The following MEP1B variants were observed in gnomAD, a reference collection of about 807,000 sequenced individuals.
The protein encoded by MEP1B is N-benzoyl-L-tyrosyl-P-amino-benzoic acid hydrolase subunit beta.
In MEP1B, 80 loss-of-function variants were observed where a neutral mutation model predicts 84.6. That is an observed-to-expected ratio of 0.95 (90% CI 0.79 to 1.14). The LOEUF is 1.14. Ranked by LOEUF, MEP1B falls within the 50% of genes most tolerant of loss-of-function variation. The probability of loss-of-function intolerance (pLI) is 0.00; values close to 1 mark genes in which losing one functional copy is unlikely to be tolerated. For missense variants in MEP1B, 766 were observed against 855.1 expected, an observed-to-expected ratio of 0.90 and a Z score of 1.30; for synonymous variants, 273 against 288.1, an observed-to-expected ratio of 0.95 and a Z score of 0.53.
chr18:32,203,287 C>G, intron 6 of MEP1B: 1 of 285,106 alleles, frequency 3.5e-6, no homozygotes, highest in East Asian at 6.4e-5. Context: ...AATTTACATA[C>G]TCTTTATCCC....
intron 5 of MEP1B, among the ~76,000 whole-genome samples, chr18:32,200,617 G>T (rs1487534700): frequency 6.6e-6 from 1 of 152,164 alleles, no homozygotes; most frequent in Non-Finnish European, 1.5e-5. Context: ...TTTCTGGAAG[G>T]CCCTATTACT....
In MEP1B at chr18:32,196,708, G is replaced by T. The variant is rs2040859325; in HGVS notation, c.250+1223G>T. The stretch of plus-strand genomic sequence containing the variant: ...ATGAGGTAGTGGGCGCCCTGCAGCA[G>T]GCTGAGGGCCAGGGACAGCTGCCTG... On this transcript the variant is annotated intron_variant, in intron 5 of 14. Transcript: ENST00000269202. The surrounding 1 kb of genome is among the most constrained non-coding windows in gnomAD (Gnocchi z 4.4). The T allele has an allele frequency of 1.6e-6, 1 of 638,378 alleles. No individual in the cohort carries two copies. 39.5% of individuals were successfully genotyped at this position (638,378 alleles called of 1,614,324 possible).
At chr18:32,218,004 G>C (rs746939256) in intron 14 of MEP1B, 39 bp downstream of exon 14, 1 of 1,590,950 alleles carries the variant, frequency 6.3e-7, no homozygotes, top group South Asian at 1.1e-5. Flanking sequence ...ATAACCTATT[G>C]GTGAAATCTT....
chr18:32,191,861 G>A, intron 2 of MEP1B, 21 bp downstream of exon 2: 4 of 1,498,146 alleles, frequency 2.7e-6, no homozygotes, highest in Non-Finnish European at 1.8e-6. Context: ...TTTGAGTTTT[G>A]TTCTAGGTTA....
chr18:32,202,866 T>A (rs1184056916), intron 5 of MEP1B, 27 bp from the exon 6 acceptor site: 2 of 1,446,454 alleles, frequency 1.4e-6, no homozygotes, highest in South Asian at 2.4e-5. Flanking sequence ...TTTAATAAGC[T>A]TATTTTTGTT....
chr18:32,195,646 G>A (rs1394021184), intron 5 of MEP1B, among the ~76,000 whole-genome samples, 161 bp downstream of exon 5: 2 of 151,818 alleles, frequency 1.3e-5, no homozygotes, highest in African/African-American at 4.8e-5. Context: ...TAAGCAAAAC[G>A]AACAATGAAA....
intron 9 of MEP1B, among the ~76,000 whole-genome samples, chr18:32,208,491 C>T (rs1332327488): frequency 6.6e-6 from 1 of 152,184 alleles, no homozygotes; most frequent in Admixed American, 6.5e-5. Context: ...CAGAGCTGGG[C>T]TCTGTGATGC....
At chr18:32,214,438 A>C (rs2041062432) in intron 11 of MEP1B, among the ~76,000 whole-genome samples, 1 of 152,182 alleles carries the variant, frequency 6.6e-6, no homozygotes, top group Non-Finnish European at 1.5e-5. Context: ...ACTTAATCTC[A>C]TAGGAAAACA....
chr18:32,193,250 G>A (rs750481712), intron 4 of MEP1B, among the ~76,000 whole-genome samples: 5 of 152,102 alleles, frequency 3.3e-5, no homozygotes, highest in Non-Finnish European at 5.9e-5. Flanking sequence ...TAAAAATAAT[G>A]TTGCCAAGTT....
At chr18:32,216,896 G>C in intron 12 of MEP1B, 95 bp from the exon 13 acceptor site, 1 of 1,384,256 alleles carries the variant, frequency 7.2e-7, no homozygotes, top group South Asian at 1.4e-5. Context: ...AAAGAAAAAA[G>C]GAAAAAAGAA....
intron 7 of MEP1B, among the ~76,000 whole-genome samples, chr18:32,206,420 T>C (rs1257494798): frequency 6.7e-6 from 1 of 149,990 alleles, no homozygotes; most frequent in Non-Finnish European, 1.5e-5. Context: ...CCCTGACTGG[T>C]TCAACAACAC....
At chr18:32,211,311 T>C (rs919352537) in intron 10 of MEP1B, among the ~76,000 whole-genome samples, 11 of 152,022 alleles carry the variant, frequency 7.2e-5, no homozygotes, top group African/African-American at 2.4e-4. Flanking sequence ...ATAAAATACA[T>C]AAAAATACAA....
chr18:32,216,700 T>C (rs2041093067), intron 12 of MEP1B, among the ~76,000 whole-genome samples: 1 of 152,136 alleles, frequency 6.6e-6, no homozygotes, highest in African/African-American at 2.4e-5. Context: ...CAAGGATACC[T>C]GAATTTCTCA....
At position 32,204,186 on chromosome 18, in the gene MEP1B, TG is replaced by T. The variant is rs769889739; in HGVS notation, c.375del (p.Trp125CysfsTer4). On this transcript the variant is annotated frameshift_variant, in exon 7 of 15. Coordinates refer to ENST00000269202, the MANE Select transcript of MEP1B (RefSeq NM_005925.3). LOFTEE classifies it high-confidence loss of function. ...TCTTGTAAACTCTCCTGTAAGCTGC[TG>T]GTCTTCAGTAGGAAATAGGCGGGTT... ...YISVFKGSGC[W>X]SSVGNRRVGK... The T allele has an allele frequency of 4.4e-6, 7 of 1,605,094 alleles. No homozygotes were observed. The African/African-American group carries it at 5.4e-5, about 12-fold the overall frequency.
intron 9 of MEP1B, among the ~76,000 whole-genome samples, chr18:32,210,021 C>CG (rs1347090098): frequency 6.6e-6 from 1 of 152,116 alleles, no homozygotes; most frequent in Non-Finnish European, 1.5e-5. Context: ...ATATTCTCAG[C>CG]GGGGGAACAA....
intron 9 of MEP1B, 90 bp downstream of exon 9, chr18:32,208,361 C>T (rs2040988126): frequency 7.9e-7 from 1 of 1,273,584 alleles, no homozygotes. Context: ...TCTCTAATTT[C>T]TATCAGAATT....
chr18:32,208,016 T>C (rs2144410152), intron 8 of MEP1B, 103 bp from the exon 9 acceptor site: 4 of 1,232,520 alleles, frequency 3.2e-6, no homozygotes, highest in Non-Finnish European at 4.6e-6. Context: ...AGGTGTTCCC[T>C]GTAATACCAA....
chr18:32,194,539 C>T (rs7231076), intron 4 of MEP1B, among the ~76,000 whole-genome samples: 5,528 of 151,976 alleles, frequency 0.036, 301 homozygotes, highest in African/African-American at 0.12. Context: ...ATCTCATCCA[C>T]GTTCTCTCTT....
rs201959687 is a variant in MEP1B at position 32,208,211 on chromosome 18, C to T, written c.859C>T (p.Arg287Trp). The T allele has an allele frequency of 4.1e-5, 66 of 1,613,920 alleles. No homozygotes were observed. The Admixed American group carries it at 4.8e-4, about 12-fold the overall frequency. The change falls in exon 9 of 15, where the codon CGG becomes TGG. Residue 287 changes from arginine to tryptophan, a missense_variant. Coordinates refer to ENST00000269202, the MANE Select transcript of MEP1B (RefSeq NM_005925.3). ...TTCAGGAGATAATGCTGACTGGCAA[C>T]GGGTTTCACAGGTTCCCAGGGGGCC... ...QSSGDNADWQRVSQVPRGPES... is the reference protein window; with the variant it reads ...QSSGDNADWQWVSQVPRGPES...
Sources: gnomAD v4.1 joint callset for allele counts (sites outside exome capture counted in the v4.1 genomes callset) on GRCh38, gnomAD v4.1.1 for gene constraint, Gnocchi (gnomAD v3.1) non-coding constraint, MANE v1.5 for transcripts, NCBI Gene and HGNC (gene_info 2026-07-23, HGNC 2026-07-21) for gene names.